Variants in RRP12 observed in about 807,000 individuals in gnomAD.
RRP12 encodes RRP12-like protein.
RRP12 carries 78 observed loss-of-function variants against 157.3 expected under a neutral mutation model. The observed-to-expected ratio is 0.50, with a 90% CI of 0.41 to 0.60. RRP12 has a LOEUF of 0.60. Among genes scored for constraint, RRP12 ranks in the 20% least tolerant of loss-of-function variants. The probability of loss-of-function intolerance (pLI) is 0.00; values close to 1 mark genes in which losing one functional copy is unlikely to be tolerated. For missense variants in RRP12, 1,521 were observed against 1,679.9 expected, an observed-to-expected ratio of 0.91 and a Z score of 1.65; for synonymous variants, 726 against 670.9, an observed-to-expected ratio of 1.08 and a Z score of -1.27.
At chr10:97,377,745 G>T (rs1045173173) in intron 15 of RRP12, among the ~76,000 whole-genome samples, 2 of 149,214 alleles carry the variant, frequency 1.3e-5, no homozygotes, top group African/African-American at 5.0e-5. Context: ...TTGGGAGGCT[G>T]AGGCAGGAGA....
Position 97,379,618 on chromosome 10 carries a change from C to CCA in RRP12, c.1676+8_1676+9dup, listed in dbSNP as rs1357997529. 8.7e-6 allele frequency: 14 copies of CCA among 1,612,974 alleles called. No individual in the cohort carries two copies. The African/African-American group carries it at 1.7e-4, about 20-fold the overall frequency. On this transcript the variant is annotated intron_variant, in intron 14 of 33. Coordinates refer to ENST00000370992, the MANE Select transcript of RRP12 (RefSeq NM_015179.4). ...GGGCTTGTCAGGAAGCCAGCCAGGG[C>CCA]CACACTTACTCAGAGCCATCAATTT...
At chr10:97,399,252 A>G (rs1283367760) in intron 2 of RRP12, among the ~76,000 whole-genome samples, 1 of 152,160 alleles carries the variant, frequency 6.6e-6, no homozygotes, top group Admixed American at 6.6e-5. Context: ...TAGCCTGGAC[A>G]ACAAGAGCGA....
rs771235537 is a variant in RRP12, at chr10:97,360,558, G to T, written c.3628C>A (p.Pro1210Thr). The T allele has an allele frequency of 1.3e-5, 21 of 1,613,388 alleles. No homozygotes were observed. Among genetic ancestry groups the T allele is most frequent in the African/African-American group, 5.3e-5 (4 of 74,892 alleles). ...GTGGAAGCCTCACCTTGGTACTGAGGGGGTATCTCCAGCTCCTCCTCCTCA... is the reference window on the plus strand; with the variant it reads ...GTGGAAGCCTCACCTTGGTACTGAGTGGGTATCTCCAGCTCCTCCTCCTCA... ...EAEEEELEIP[P>T]QYQAGGSGIH... The change falls in exon 31 of 34, where the codon CCT becomes ACT. Residue 1210 changes from proline (P) to threonine (T), a missense_variant. Physicochemically the swap from Pro to Thr is conservative, Grantham distance 38. Transcript: ENST00000370992.
At chr10:97,387,334 C>T (rs1224584274) in intron 8 of RRP12, among the ~76,000 whole-genome samples, 23 of 147,886 alleles carry the variant, frequency 1.6e-4, no homozygotes, top group Non-Finnish European at 2.2e-4. Flanking sequence ...TTTTCTTTTT[C>T]CTTTTTTTTT....
intron 20 of RRP12, 65 bp from the exon 21 acceptor site, chr10:97,371,146 C>T: frequency 6.5e-7 from 1 of 1,531,046 alleles, no homozygotes; most frequent in Non-Finnish European, 8.9e-7. Flanking sequence ...ATCCACGGAG[C>T]ATCCCCCAGC....
Position 97,372,754 on chromosome 10 carries a change from G to T in RRP12, c.2231C>A (p.Ala744Asp). 6.4e-7 allele frequency: 1 copy of T among 1,562,014 alleles called. No individual in the cohort carries two copies. The highest frequency in any genetic ancestry group is 8.7e-7 in the Non-Finnish European group (1 of 1,152,640). The change falls in exon 19 of 34, where the codon GCC (alanine) becomes GAC (aspartate). Residue 744 changes from alanine (A) to aspartate (D), a missense_variant. Physicochemically the swap from Ala to Asp is moderately radical, Grantham distance 126 (BLOSUM62 -2). Coordinates refer to ENST00000370992, the MANE Select transcript of RRP12 (RefSeq NM_015179.4). The part of the protein sequence containing the change: ...EKASEKVLDP[A>D]SSDFTRLSVL... The stretch of plus-strand genomic sequence containing the variant: ...ATGTTACCTGGTAAAGTCAGAGCTG[G>T]CAGGGTCGAGCACCTTCTCACTGGC...
chr10:97,391,523 A>AT (rs1463644227), intron 4 of RRP12, among the ~76,000 whole-genome samples: 1 of 152,128 alleles, frequency 6.6e-6, no homozygotes, highest in African/African-American at 2.4e-5. Context: ...GTGAGCTGAG[A>AT]TTGCACCATT....
At chr10:97,363,961 T>C (rs369749621) in intron 29 of RRP12, 58 bp from the exon 30 acceptor site, 2 of 1,514,434 alleles carry the variant, frequency 1.3e-6, no homozygotes, top group Non-Finnish European at 9.2e-7. Flanking sequence ...AACCTACCCT[T>C]TCCTTCTGCC....
rs145105085 is a variant in RRP12 at position 97,385,895 on chromosome 10, C to T, written c.1116G>A (p.Thr372=). 3.4e-5 allele frequency: 55 copies of T among 1,598,074 alleles called. No individual in the cohort carries two copies. The highest frequency in any genetic ancestry group is 4.5e-5 in the Non-Finnish European group (53 of 1,171,734). ...LSAELNAQII[T]ALYDYVPSEN... is the part of the protein sequence containing the mutation. ...CCCACATCCCACCAACAGGCCTCACCGTGATGATCTGGGCGTTGAGCTCTG... is the reference window on the plus strand; with the variant it reads ...CCCACATCCCACCAACAGGCCTCACTGTGATGATCTGGGCGTTGAGCTCTG... Residue 372 remains threonine (T), a splice_region_variant and synonymous_variant, in exon 9 of 34, where the codon ACG becomes ACA. Transcript: ENST00000370992.
chr10:97,399,642 T>G (rs770069825), intron 2 of RRP12, among the ~76,000 whole-genome samples: 21 of 151,482 alleles, frequency 1.4e-4, no homozygotes, highest in Non-Finnish European at 2.7e-4. Flanking sequence ...ATTACCTGAG[T>G]TCAGGAGTTT....
intron 3 of RRP12, among the ~76,000 whole-genome samples, chr10:97,396,012 AAAC>A (rs778890743): frequency 3.3e-5 from 5 of 152,128 alleles, no homozygotes; most frequent in African/African-American, 4.8e-5. Context: ...TAAAAAAAAG[AAAC>A]AAAGAAAGAA....
chr10:97,380,386 C>T (rs1360214657), intron 13 of RRP12, among the ~76,000 whole-genome samples: 2 of 152,214 alleles, frequency 1.3e-5, no homozygotes, highest in Admixed American at 1.3e-4. Flanking sequence ...CTCAGGATCC[C>T]TGAGTGATCC....
intron 9 of RRP12, 29 bp downstream of exon 9, chr10:97,385,866 T>C (rs770516087): frequency 6.6e-7 from 1 of 1,511,366 alleles, no homozygotes; most frequent in East Asian, 2.3e-5. Context: ...CCCGACCTAA[T>C]GCCCCCACAT....
In RRP12 at chr10:97,366,154, C is replaced by G; in HGVS notation, c.3471G>C (p.Arg1157Ser). The G allele has an allele frequency of 6.2e-7, 1 of 1,607,636 alleles. No homozygotes were observed. Residue 1157 changes from arginine to serine, a missense_variant, in exon 29 of 34, where the codon AGG becomes AGC. Transcript: ENST00000370992. ...KVSADGRLIIREEADGNKMEE... is the reference protein window; with the variant it reads ...KVSADGRLIISEEADGNKMEE... ...CCATCTTGTTGCCGTCTGCCTCCTC[C>G]CTTATGATCAGCCGGCCATCGGCGC...
rs773817601 is a variant in RRP12, at chr10:97,372,790, A to T, written c.2195T>A (p.Leu732His). 6.4e-7 allele frequency: 1 copy of T among 1,563,022 alleles called. No homozygotes were observed. The highest frequency in any genetic ancestry group is 2.4e-5 in the East Asian group (1 of 41,946). Residue 732 changes from leucine to histidine, a missense_variant, in exon 19 of 34, where the codon CTC becomes CAC. By Grantham distance (99) the Leu-to-His change is moderately conservative. Coordinates refer to ENST00000370992, the MANE Select transcript of RRP12 (RefSeq NM_015179.4). ...TITDTQLVNS[L>H]LEKASEKVLD... The stretch of plus-strand genomic sequence containing the variant: ...CACCTTCTCACTGGCTTTTTCCAGG[A>T]GACTGTTCACCAACTTGTGGCCCCG...
At chr10:97,378,003 A>G (rs892500172) in intron 15 of RRP12, among the ~76,000 whole-genome samples, 1 of 152,174 alleles carries the variant, frequency 6.6e-6, no homozygotes, top group Non-Finnish European at 1.5e-5. Flanking sequence ...ATGTAACCCC[A>G]TGCTCTGCCT....
intron 1 of RRP12, 71 bp from the exon 2 acceptor site, chr10:97,400,605 A>G: frequency 7.8e-7 from 1 of 1,287,492 alleles, no homozygotes; most frequent in African/African-American, 1.5e-5. Context: ...CCCCTGGGAA[A>G]CAAACCAGCC....
At chr10:97,388,909 G>A (rs1844716673) in intron 6 of RRP12, among the ~76,000 whole-genome samples, 1 of 152,138 alleles carries the variant, frequency 6.6e-6, no homozygotes, top group African/African-American at 2.4e-5. Flanking sequence ...CTTGAAAACA[G>A]GGGTTTCTTC....
At chr10:97,398,333 C>T (rs1383819745) in intron 2 of RRP12, among the ~76,000 whole-genome samples, 21 of 88,308 alleles carry the variant, frequency 2.4e-4, no homozygotes, top group Admixed American at 8.4e-4. Flanking sequence ...GGATTACAGG[C>T]GTGAGCCACC....
Sources: gnomAD v4.1 joint callset for allele counts (sites outside exome capture counted in the v4.1 genomes callset) on GRCh38, gnomAD v4.1.1 for gene constraint, MANE v1.5 for transcripts, NCBI Gene and HGNC (gene_info 2026-07-23, HGNC 2026-07-21) for gene names.